Variants in AGBL4 observed in about 807,000 individuals in gnomAD.
The protein encoded by AGBL4 is AGBL carboxypeptidase 4, also known as cytosolic carboxypeptidase 6.
A neutral mutation model predicts 66.4 loss-of-function variants in AGBL4; 58 were observed. The ratio of observed to expected loss-of-function variants is 0.87; its 90% confidence interval spans 0.71 to 1.09. The LOEUF is 1.09. Ranked by LOEUF, AGBL4 falls within the 50% of genes least tolerant of loss-of-function variation. AGBL4 has a pLI of 0.00. For synonymous variants in AGBL4, 234 were observed against 222.9 expected, an observed-to-expected ratio of 1.05 and a Z score of -0.44; for missense variants, 579 against 631.0, an observed-to-expected ratio of 0.92 and a Z score of 0.88.
chr1:49,257,545 G>C (rs1362152230), intron 3 of AGBL4: 4 of 153,028 alleles, frequency 2.6e-5, no homozygotes, highest in Admixed American at 6.5e-5. Flanking sequence ...ATTCGGGTGG[G>C]AGTGACCCGA....
intron 6 of AGBL4, among the ~76,000 whole-genome samples, chr1:48,739,709 G>A (rs903329982): frequency 1.3e-5 from 2 of 152,188 alleles, no homozygotes; most frequent in Admixed American, 6.5e-5. Flanking sequence ...GAAAAGATGT[G>A]TAAAGTGTCA....
rs1004424633 is a variant in AGBL4, at chr1:49,419,502, G to GA, written c.283-173639dup. 3.2e-4 allele frequency among the ~76,000 whole-genome samples: 48 copies of GA among 151,938 alleles called. 1 individual carries two copies. Among genetic ancestry groups the GA allele is most frequent in the African/African-American group, 1.0e-3 (43 of 41,408 alleles). On this transcript the variant is annotated intron_variant, in intron 3 of 13. Coordinates refer to ENST00000371839, the MANE Select transcript of AGBL4 (RefSeq NM_032785.4). The stretch of plus-strand genomic sequence containing the variant: ...TTCCTTAGCCCTTGTTTCTCAGAAT[G>GA]AAAAAAAATATTTTCTGGATCCCTG...
chr1:49,041,940 AATC>A (rs1643952644), intron 5 of AGBL4, among the ~76,000 whole-genome samples: 1 of 152,074 alleles, frequency 6.6e-6, no homozygotes, highest in African/African-American at 2.4e-5. Flanking sequence ...TGTATTCTGT[AATC>A]CCACCCATCT....
At chr1:49,754,304 T>A (rs1253720555) in intron 2 of AGBL4, among the ~76,000 whole-genome samples, 2 of 151,732 alleles carry the variant, frequency 1.3e-5, no homozygotes, top group Non-Finnish European at 2.9e-5. Flanking sequence ...ATGTTTTTTT[T>A]TTATTATTAT....
rs530475412 is a variant in AGBL4, at chr1:49,576,004, A to C, written c.282+121309T>G. On this transcript the variant is annotated intron_variant, in intron 3 of 13. Transcript: ENST00000371839. Reference sequence around the variant, plus strand: ...CTGGACTTATTGGTGAGACATTTGCATACCAAATGATGGAAAATAAATCCA... The same window carrying C: ...CTGGACTTATTGGTGAGACATTTGCCTACCAAATGATGGAAAATAAATCCA... Among the ~76,000 whole-genome samples the C allele has an allele frequency of 3.9e-5, 6 of 152,364 alleles. No individual in the cohort carries two copies. In the South Asian group the frequency reaches 1.0e-3, roughly 26 times the overall value.
At chr1:49,703,177 A>C (rs1259541838) in intron 2 of AGBL4, among the ~76,000 whole-genome samples, 1 of 152,058 alleles carries the variant, frequency 6.6e-6, no homozygotes, top group Non-Finnish European at 1.5e-5. Flanking sequence ...TTTATGCAGA[A>C]AAACCTAAGG....
intron 2 of AGBL4, among the ~76,000 whole-genome samples, chr1:49,832,642 A>T (rs1645723857): frequency 6.6e-6 from 1 of 151,064 alleles, no homozygotes; most frequent in Admixed American, 6.6e-5. Flanking sequence ...ATTTCTCCAC[A>T]TCCTCTCCAG....
At chr1:50,007,858 C>A (rs1661252966) in intron 1 of AGBL4, among the ~76,000 whole-genome samples, 1 of 151,716 alleles carries the variant, frequency 6.6e-6, no homozygotes, top group African/African-American at 2.4e-5. Flanking sequence ...CAAATAGAAA[C>A]CCAAAAACAG....
At chr1:48,739,430 T>C (rs1179199621) in intron 6 of AGBL4, among the ~76,000 whole-genome samples, 2 of 152,226 alleles carry the variant, frequency 1.3e-5, no homozygotes, top group African/African-American at 2.4e-5. Context: ...ATCCATTCTG[T>C]TCACTACTAC....
At chr1:49,692,070 G>A (rs1000812168) in intron 3 of AGBL4, among the ~76,000 whole-genome samples, 11 of 151,998 alleles carry the variant, frequency 7.2e-5, no homozygotes, top group African/African-American at 2.2e-4. Context: ...ATTGTTTTTC[G>A]CCAGGTCCCT....
At chr1:50,009,690 G>A (rs996774506) in intron 1 of AGBL4, among the ~76,000 whole-genome samples, 5 of 150,314 alleles carry the variant, frequency 3.3e-5, no homozygotes, top group African/African-American at 1.2e-4. Flanking sequence ...AAAAAAAAAG[G>A]GCATCCAAAT....
At chr1:49,216,231 C>T (rs1440709070) in intron 4 of AGBL4, among the ~76,000 whole-genome samples, 3 of 152,234 alleles carry the variant, frequency 2.0e-5, no homozygotes, top group South Asian at 4.1e-4. Context: ...TCTGCAAAGA[C>T]AAAAGCTTTT....
At chr1:49,981,886 T>C (rs1044694841) in intron 1 of AGBL4, among the ~76,000 whole-genome samples, 2 of 152,256 alleles carry the variant, frequency 1.3e-5, no homozygotes, top group African/African-American at 4.8e-5. Context: ...TTTCTTCCTC[T>C]ATGTGTTCCT....
chr1:48,758,025 G>C (rs35739038), intron 6 of AGBL4, among the ~76,000 whole-genome samples: 6 of 152,014 alleles, frequency 3.9e-5, no homozygotes, highest in African/African-American at 1.4e-4. Flanking sequence ...CATTTCTTCC[G>C]GCAGTCAAAG....
chr1:49,565,434 G>A (rs1052650135), intron 3 of AGBL4, among the ~76,000 whole-genome samples: 1 of 152,156 alleles, frequency 6.6e-6, no homozygotes, highest in Admixed American at 6.5e-5. Context: ...TTTTGCAGTG[G>A]CTGGTACTGG....
chr1:49,775,145 C>T (rs1180254271), intron 2 of AGBL4, among the ~76,000 whole-genome samples: 1 of 152,072 alleles, frequency 6.6e-6, no homozygotes, highest in African/African-American at 2.4e-5. Context: ...AGGGCAATAT[C>T]ATATAATGTT....
chr1:49,542,637 C>T (rs1652138834), intron 3 of AGBL4, among the ~76,000 whole-genome samples: 1 of 152,098 alleles, frequency 6.6e-6, no homozygotes, highest in African/African-American at 2.4e-5. Context: ...GTGTGTCACA[C>T]CTATAATTCC....
intron 4 of AGBL4, among the ~76,000 whole-genome samples, chr1:49,146,092 A>G (rs1023744579): frequency 2.6e-5 from 4 of 152,142 alleles, no homozygotes; most frequent in Non-Finnish European, 5.9e-5. Context: ...TTATCAGAAG[A>G]TGGGAAGAGT....
At chr1:49,726,795 T>C (rs1016065747) in intron 2 of AGBL4, among the ~76,000 whole-genome samples, 8 of 152,210 alleles carry the variant, frequency 5.3e-5, no homozygotes, top group African/African-American at 1.9e-4. Context: ...TCAATGTTTA[T>C]TCACTTAATT....
Sources: gnomAD v4.1 joint callset for allele counts (sites outside exome capture counted in the v4.1 genomes callset) on GRCh38, gnomAD v4.1.1 for gene constraint, MANE v1.5 for transcripts, NCBI Gene and HGNC (gene_info 2026-07-23, HGNC 2026-07-21) for gene names.